The following YEATS2 variants were observed in gnomAD, a reference collection of about 807,000 sequenced individuals.
YEATS2 encodes YEATS domain-containing protein 2.
A neutral mutation model predicts 163.2 loss-of-function variants in YEATS2; 77 were observed. The observed-to-expected ratio is 0.47, with a 90% CI of 0.39 to 0.57. The LOEUF (loss-of-function observed/expected upper bound fraction) is 0.57. YEATS2 is among the 20% of genes least tolerant of loss of function. YEATS2 has a pLI of 0.00. For missense variants in YEATS2, 1,549 were observed against 1,729.8 expected (o/e 0.90, Z 1.85); for synonymous variants, 631 against 645.1 (o/e 0.98, Z 0.33).
At position 183,802,505 on chromosome 3, in the gene YEATS2, G is replaced by GTT. The variant is rs1391324710; in HGVS notation, c.3503-750_3503-749insTT. 6.3e-5 allele frequency: 4 copies of GTT among 63,002 alleles called. No homozygotes were observed. In the Admixed American group the frequency reaches 7.2e-4, roughly 11 times the overall value. The allele number at this position is 63,002 out of a possible 1,614,324, so 3.9% of individuals were successfully genotyped here. A position where few individuals can be genotyped will look rare whatever the true frequency, so the allele number is the denominator to read the frequency against. On this transcript the variant is annotated intron_variant, in intron 25 of 30. Transcript: ENST00000305135. Reference sequence around the variant, plus strand: ...CTTATATATGTGTGTGTGTGTGTGTGTGTGTATACATGTATATATATATAC... The same window carrying GTT: ...CTTATATATGTGTGTGTGTGTGTGTGTTTGTGTATACATGTATATATATATAC...
At chr3:183,782,663 A>G (rs1723689279) in intron 19 of YEATS2, among the ~76,000 whole-genome samples, 2 of 152,162 alleles carry the variant, frequency 1.3e-5, no homozygotes, top group African/African-American at 4.8e-5. Context: ...ACCTCAGGTG[A>G]TCTGCCTGCC....
chr3:183,698,269 G>C (rs969873211), intron 1 of YEATS2, among the ~76,000 whole-genome samples: 9 of 152,224 alleles, frequency 5.9e-5, no homozygotes, highest in African/African-American at 1.9e-4. Context: ...GGGACCCCGA[G>C]CCACAGCGGC....
At position 183,752,271 on chromosome 3, in the gene YEATS2, C is replaced by T. The variant is rs1720252835; in HGVS notation, c.1150+18C>T. 8 of 1,613,968 alleles carry T rather than the reference C, an allele frequency of 5.0e-6. No homozygotes were observed. Among genetic ancestry groups the T allele is most frequent in the Non-Finnish European group, 6.8e-6 (8 of 1,179,888 alleles). ...GGAGAAAGGTAATACAGCAGTTTTCCTTGCATAGCGTTGTTCTGAGGCATT... is the reference window on the plus strand; with the variant it reads ...GGAGAAAGGTAATACAGCAGTTTTCTTTGCATAGCGTTGTTCTGAGGCATT... On this transcript the variant is annotated intron_variant, in intron 10 of 30. Transcript: ENST00000305135.
At chr3:183,742,688 A>G (rs1719100327) in intron 8 of YEATS2, among the ~76,000 whole-genome samples, 1 of 141,976 alleles carries the variant, frequency 7.0e-6, no homozygotes, top group South Asian at 2.2e-4. Flanking sequence ...ACATAAACTT[A>G]CTTAATAAAG....
Position 183,787,968 on chromosome 3 carries a change from A to T in YEATS2, c.2913+1667A>T, listed in dbSNP as rs1036992606. Among the ~76,000 whole-genome samples, 17 of 152,202 alleles carry T rather than the reference A, an allele frequency of 1.1e-4. 1 individual carries two copies. The highest frequency in any genetic ancestry group is 1.1e-3 in the Admixed American group (17 of 15,280). On this transcript the variant is annotated intron_variant, in intron 20 of 30. Coordinates refer to ENST00000305135, the MANE Select transcript of YEATS2 (RefSeq NM_018023.5). ...CAGTGAGCCGAGATTGCGCCACTCC[A>T]CTCCAGCCTGGACAGTAGAGCGAGA...
chr3:183,796,599 G>A (rs1007743635), intron 21 of YEATS2, among the ~76,000 whole-genome samples: 2 of 150,332 alleles, frequency 1.3e-5, no homozygotes, highest in Non-Finnish European at 3.0e-5. Context: ...AAAGAGATGC[G>A]CATACATTGG....
intron 1 of YEATS2, among the ~76,000 whole-genome samples, chr3:183,701,081 A>G (rs982684918): frequency 6.7e-6 from 1 of 150,244 alleles, no homozygotes; most frequent in African/African-American, 2.5e-5. Context: ...GTATATATAT[A>G]TAAATTTTTT....
intron 8 of YEATS2, among the ~76,000 whole-genome samples, chr3:183,747,346 G>A (rs1252797554): frequency 6.6e-6 from 1 of 151,854 alleles, no homozygotes; most frequent in Non-Finnish European, 1.5e-5. Context: ...CCTTTATTCT[G>A]GATTTTTATG....
chr3:183,702,833 C>CAA (rs202062121), intron 1 of YEATS2, among the ~76,000 whole-genome samples: 25,808 of 140,134 alleles, frequency 0.18, 2,437 homozygotes, highest in East Asian at 0.32. Context: ...CTCTCTCTCT[C>CAA]AAAAAAAAAA....
At chr3:183,756,185 G>C (rs1720748331) in intron 11 of YEATS2, among the ~76,000 whole-genome samples, 1 of 152,184 alleles carries the variant, frequency 6.6e-6, no homozygotes, top group African/African-American at 2.4e-5. Flanking sequence ...GCTGTGTAAA[G>C]CACTGCTTTC....
rs1158740803 is a variant in YEATS2 at position 183,708,696 on chromosome 3, G to A, written c.-19-6448G>A. Among the ~76,000 whole-genome samples the A allele has an allele frequency of 3.9e-5, 6 of 151,950 alleles. No individual in the cohort carries two copies. The South Asian group carries it at 6.2e-4, about 16-fold the overall frequency. ...CTCTGGGCAACATAGTGAGACCCCC[G>A]TCTCTTTAAAAAATAAAAAGATTAG... On this transcript the variant is annotated intron_variant, in intron 1 of 30. Transcript: ENST00000305135.
chr3:183,777,929 T>G (rs1468883675), intron 19 of YEATS2, among the ~76,000 whole-genome samples: 1 of 151,512 alleles, frequency 6.6e-6, no homozygotes, highest in Admixed American at 6.6e-5. Flanking sequence ...ATGGCCAACA[T>G]AGTGAAACCC....
intron 1 of YEATS2, among the ~76,000 whole-genome samples, chr3:183,705,287 C>T (rs780589664): frequency 1.3e-5 from 2 of 152,056 alleles, no homozygotes; most frequent in African/African-American, 4.8e-5. Context: ...TGAGCTCAAG[C>T]GAGTCACCTG....
intron 4 of YEATS2, among the ~76,000 whole-genome samples, chr3:183,721,391 A>G (rs1716475752): frequency 6.6e-6 from 1 of 152,252 alleles, no homozygotes; most frequent in Non-Finnish European, 1.5e-5. Flanking sequence ...ACTAAGACAC[A>G]GAAAAATTCC....
chr3:183,780,774 A>T (rs1270942537), intron 19 of YEATS2, among the ~76,000 whole-genome samples: 4 of 152,204 alleles, frequency 2.6e-5, no homozygotes, highest in Admixed American at 2.6e-4. Flanking sequence ...CTTTTTTATT[A>T]TAAAGGATTT....
At chr3:183,730,063 T>TGTTG (rs1560244421) in intron 7 of YEATS2, among the ~76,000 whole-genome samples, 3 of 94,648 alleles carry the variant, frequency 3.2e-5, no homozygotes, top group African/African-American at 1.8e-4. Flanking sequence ...TTTTTTTTTT[T>TGTTG]TTTTTTTTTT....
Position 183,721,978 on chromosome 3 carries a change from A to T in YEATS2, c.379A>T (p.Asn127Tyr). The change falls in exon 5 of 31, where the codon AAT becomes TAT. Residue 127 changes from asparagine (N) to tyrosine (Y), a missense_variant. By Grantham distance (143) the Asn-to-Tyr change is moderately radical. Transcript: ENST00000305135. ...ACCATCTAGGTCATCATCTCCTGCCAATCAGAGAGCAGAAACACCATCAGC... is the reference window on the plus strand; with the variant it reads ...ACCATCTAGGTCATCATCTCCTGCCTATCAGAGAGCAGAAACACCATCAGC... ...ESPSRSSSPA[N>Y]QRAETPSANH... 6.2e-7 allele frequency: 1 copy of T among 1,614,214 alleles called. No homozygotes were observed. Among genetic ancestry groups the T allele is most frequent in the Non-Finnish European group, 8.5e-7 (1 of 1,180,038 alleles).
intron 28 of YEATS2, chr3:183,807,768 T>C (rs1726367757): frequency 2.6e-6 from 1 of 390,464 alleles, no homozygotes. Context: ...ATCCCAACCA[T>C]GTTCTCCCAC....
At chr3:183,807,857 A>G (rs543641304) in intron 28 of YEATS2, 173 bp from the exon 29 acceptor site, 1 of 558,884 alleles carries the variant, frequency 1.8e-6, no homozygotes, top group Non-Finnish European at 3.2e-6. Flanking sequence ...ACAAGATAAC[A>G]TTCTTCTAGA....
Sources: gnomAD v4.1 joint callset for allele counts (sites outside exome capture counted in the v4.1 genomes callset) on GRCh38, gnomAD v4.1.1 for gene constraint, MANE v1.5 for transcripts, NCBI Gene and HGNC (gene_info 2026-07-23, HGNC 2026-07-21) for gene names.